Variants in IGF1R observed in about 807,000 individuals in gnomAD.
The protein encoded by IGF1R is insulin like growth factor 1 receptor, also known as insulin-like growth factor 1 receptor.
IGF1R carries 44 observed loss-of-function variants against 144.6 expected under a neutral mutation model. The ratio of observed to expected loss-of-function variants is 0.30; its 90% confidence interval spans 0.24 to 0.39. The LOEUF (loss-of-function observed/expected upper bound fraction) is 0.39. Ranked by LOEUF, IGF1R falls within the 10% of genes least tolerant of loss-of-function variation. IGF1R has a pLI of 1.00. For missense variants in IGF1R, 1,355 were observed against 1,833.7 expected (o/e 0.74, Z 4.77); for synonymous variants, 795 against 722.8 (o/e 1.10, Z -1.60).
intron 20 of IGF1R, among the ~76,000 whole-genome samples, chr15:98,955,465 A>G (rs1222104871): frequency 1.3e-5 from 2 of 152,258 alleles, no homozygotes; most frequent in African/African-American, 4.8e-5. Context: ...GTAGCTGGAA[A>G]GCAGCTGCAG....
intron 2 of IGF1R, among the ~76,000 whole-genome samples, chr15:98,745,696 CT>C (rs2054847848): frequency 6.6e-6 from 1 of 152,228 alleles, no homozygotes; most frequent in African/African-American, 2.4e-5. Context: ...TTTGGAGAAA[CT>C]TCCGTTTTCT....
At chr15:98,724,598 A>G (rs1350404281) in intron 2 of IGF1R, among the ~76,000 whole-genome samples, 1 of 152,200 alleles carries the variant, frequency 6.6e-6, no homozygotes, top group African/African-American at 2.4e-5. Flanking sequence ...TTGTGTCTAA[A>G]AGTTTGCTTG....
At chr15:98,881,334 T>C (rs1263692716) in intron 2 of IGF1R, among the ~76,000 whole-genome samples, 1 of 152,234 alleles carries the variant, frequency 6.6e-6, no homozygotes, top group Non-Finnish European at 1.5e-5. Context: ...TATTTATTTA[T>C]TTTTGAGATG....
chr15:98,675,023 G>A (rs1428787768), intron 1 of IGF1R, among the ~76,000 whole-genome samples: 3 of 82,186 alleles, frequency 3.7e-5, no homozygotes, highest in Non-Finnish European at 6.7e-5. Context: ...TTGCTCTGTT[G>A]CCCAGGCTGG....
At chr15:98,743,398 GC>G (rs2054792126) in intron 2 of IGF1R, among the ~76,000 whole-genome samples, 1 of 152,118 alleles carries the variant, frequency 6.6e-6, no homozygotes, top group Non-Finnish European at 1.5e-5. Flanking sequence ...CCTAGTAAAT[GC>G]CCACTAGGCA....
chr15:98,896,940 T>G (rs768332965), intron 4 of IGF1R, 35 bp downstream of exon 4: 2 of 1,608,998 alleles, frequency 1.2e-6, no homozygotes, highest in Non-Finnish European at 1.7e-6. Context: ...AACGGCTAGA[T>G]CTCATGGTTT....
intron 12 of IGF1R, 122 bp downstream of exon 12, chr15:98,924,134 G>T: frequency 2.0e-6 from 2 of 1,024,654 alleles, no homozygotes; most frequent in Non-Finnish European, 3.1e-6. Context: ...TCCATGCCAA[G>T]TTGGTGAGGA....
At chr15:98,811,725 G>C (rs2056593497) in intron 2 of IGF1R, among the ~76,000 whole-genome samples, 1 of 151,940 alleles carries the variant, frequency 6.6e-6, no homozygotes, top group Non-Finnish European at 1.5e-5. Flanking sequence ...AGGAGATCCA[G>C]ACCATCCTGG....
chr15:98,955,440 C>T (rs1596490817), intron 20 of IGF1R, among the ~76,000 whole-genome samples: 1 of 152,244 alleles, frequency 6.6e-6, no homozygotes, highest in African/African-American at 2.4e-5. Context: ...GTCCTAATGT[C>T]CTCAGCTGGT....
intron 2 of IGF1R, among the ~76,000 whole-genome samples, chr15:98,879,977 G>A (rs1038282410): frequency 3.3e-5 from 5 of 152,208 alleles, no homozygotes; most frequent in African/African-American, 7.2e-5. Flanking sequence ...GGAAAGGGGC[G>A]TGGGAAGCAT....
At position 98,648,726 on chromosome 15, in the gene IGF1R, C is replaced by T. The variant is rs934705241; in HGVS notation, c.-856C>T. 6.8e-6 allele frequency among the ~76,000 whole-genome samples: 1 copy of T among 147,428 alleles called. No homozygotes were observed. The highest frequency in any genetic ancestry group is 2.1e-4 in the South Asian group (1 of 4,808). On this transcript the variant is annotated 5_prime_UTR_variant, in exon 1 of 21. Coordinates refer to ENST00000650285, the MANE Select transcript of IGF1R (RefSeq NM_000875.5). ...CTGCCCACGGCCGGCGCTCGCAGAC[C>T]CTCGGCCCCGCTCCCCGGATCCCCC... is the stretch of plus-strand genomic sequence containing the variant.
At chr15:98,794,180 C>G (rs2056188547) in intron 2 of IGF1R, among the ~76,000 whole-genome samples, 1 of 152,204 alleles carries the variant, frequency 6.6e-6, no homozygotes, top group Non-Finnish European at 1.5e-5. Flanking sequence ...GTATTTTTCT[C>G]TAGCTTATTT....
chr15:98,734,369 AAGTCTTAATATTTCTCAT>A (rs1368847566), intron 2 of IGF1R, among the ~76,000 whole-genome samples: 4 of 152,188 alleles, frequency 2.6e-5, no homozygotes, highest in African/African-American at 9.7e-5. Flanking sequence ...GGCCTTGGTT[AAGTCTTAATATTTCTCAT>A]GCCTATTTTT....
In IGF1R at chr15:98,961,666, T is replaced by C. The variant is rs776196415; in HGVS notation, c.*4224T>C. ...GCACATCATGGAATTGATGTGAGCA[T>C]TAAGACGTTCTCCCACACAGCCCTT... On this transcript the variant is annotated 3_prime_UTR_variant, in exon 21 of 21. Transcript: ENST00000650285. 4.3e-6 allele frequency: 1 copy of C among 233,608 alleles called. No individual in the cohort carries two copies. Among genetic ancestry groups the C allele is most frequent in the Non-Finnish European group, 8.5e-6 (1 of 118,056 alleles). The allele number at this position is 233,608 out of a possible 1,614,324, so 14.5% of individuals were successfully genotyped here.
At chr15:98,830,603 A>ACC (rs949484748) in intron 2 of IGF1R, among the ~76,000 whole-genome samples, 2 of 133,722 alleles carry the variant, frequency 1.5e-5, no homozygotes, top group African/African-American at 6.6e-5. Context: ...TCTGATCATC[A>ACC]TCTTTTTTTT....
intron 2 of IGF1R, among the ~76,000 whole-genome samples, chr15:98,746,375 T>C (rs554614368): frequency 6.6e-5 from 10 of 152,302 alleles, no homozygotes; most frequent in South Asian, 6.2e-4. Flanking sequence ...TCTCTGGAAC[T>C]CTGTCTAGGT....
chr15:98,654,217 C>G (rs1179298708), intron 1 of IGF1R, among the ~76,000 whole-genome samples: 1 of 151,866 alleles, frequency 6.6e-6, no homozygotes, highest in Non-Finnish European at 1.5e-5. Context: ...TGGGATGTCA[C>G]TGTAGACTGT....
chr15:98,761,982 A>G lies in IGF1R; in HGVS notation c.640+53875A>G, dbSNP rs139389551. On this transcript the variant is annotated intron_variant, in intron 2 of 20. Coordinates refer to ENST00000650285, the MANE Select transcript of IGF1R (RefSeq NM_000875.5). ...ATACATCTTAACTACACTGCCCTTGATTGCTCTTTACCTGTTATATCAGTC... is the reference window on the plus strand; with the variant it reads ...ATACATCTTAACTACACTGCCCTTGGTTGCTCTTTACCTGTTATATCAGTC... Among the ~76,000 whole-genome samples the G allele has an allele frequency of 1.5e-3, 235 of 152,234 alleles. 4 individuals carry two copies. The highest frequency in any genetic ancestry group is 5.3e-3 in the African/African-American group (220 of 41,516).
At chr15:98,700,086 A>G (rs2053688675) in intron 1 of IGF1R, among the ~76,000 whole-genome samples, 1 of 152,226 alleles carries the variant, frequency 6.6e-6, no homozygotes, top group African/African-American at 2.4e-5. Flanking sequence ...CTGAAGTGTC[A>G]GTAGTGTTTG....
Sources: allele counts gnomAD v4.1 joint callset (sites outside exome capture counted in the v4.1 genomes callset), GRCh38; gene constraint gnomAD v4.1.1; transcripts MANE v1.5; gene names NCBI Gene and HGNC (gene_info 2026-07-23, HGNC 2026-07-21).